UBAC2: variants seen among roughly 807,000 people sequenced by gnomAD.
UBAC2 encodes ubiquitin-associated domain-containing protein 2.
Under a neutral mutation model 44.0 loss-of-function variants are expected in UBAC2, and 26 were observed. The ratio of observed to expected loss-of-function variants is 0.59; its 90% CI spans 0.43 to 0.82. UBAC2 has a LOEUF of 0.82. Among genes scored for constraint, UBAC2 ranks in the 40% least tolerant of loss-of-function variants. The probability of loss-of-function intolerance (pLI) is 0.00; values close to 1 mark genes in which losing one functional copy is unlikely to be tolerated. For synonymous variants in UBAC2, 155 were observed against 154.3 expected (o/e 1.00, Z -0.04); for missense variants, 329 against 419.4 (o/e 0.78, Z 1.88).
chr13:99,346,645 A>T (rs984622668), intron 7 of UBAC2, among the ~76,000 whole-genome samples: 1 of 149,182 alleles, frequency 6.7e-6, no homozygotes. Flanking sequence ...CATCATTTTC[A>T]CTTGTCTAGC....
At chr13:99,271,103 C>T (rs1412518775) in intron 4 of UBAC2, among the ~76,000 whole-genome samples, 1 of 152,170 alleles carries the variant, frequency 6.6e-6, no homozygotes, top group African/African-American at 2.4e-5. Flanking sequence ...TTGTCCTCAT[C>T]GACTGTACAT....
chr13:99,315,053 C>T (rs1191990228), intron 5 of UBAC2, among the ~76,000 whole-genome samples: 2 of 152,204 alleles, frequency 1.3e-5, no homozygotes, highest in African/African-American at 4.8e-5. Flanking sequence ...TCCTCCCTCC[C>T]CTTTTAACCT....
intron 7 of UBAC2, among the ~76,000 whole-genome samples, chr13:99,355,639 C>T (rs1566519148): frequency 6.6e-6 from 1 of 152,242 alleles, no homozygotes; most frequent in Non-Finnish European, 1.5e-5. Context: ...AAGGTTGGGA[C>T]ACCTCTGGTC....
At chr13:99,275,922 A>G (rs1431361979) in intron 4 of UBAC2, among the ~76,000 whole-genome samples, 2 of 152,282 alleles carry the variant, frequency 1.3e-5, no homozygotes, top group East Asian at 1.9e-4. Context: ...CTCACCACCA[A>G]TGGGTTGGTC....
intron 7 of UBAC2, among the ~76,000 whole-genome samples, chr13:99,344,822 T>C (rs2044948529): frequency 6.6e-6 from 1 of 152,212 alleles, no homozygotes; most frequent in South Asian, 2.1e-4. Context: ...CTTGGGAAGC[T>C]CTCTGACCAA....
intron 6 of UBAC2, among the ~76,000 whole-genome samples, chr13:99,334,313 C>T (rs73568096): frequency 0.013 from 2,035 of 152,182 alleles, 46 homozygotes; most frequent in African/African-American, 0.047. Flanking sequence ...ACAGAAGTAA[C>T]GCAGTGGATG....
At chr13:99,272,970 G>A (rs2043835320) in intron 4 of UBAC2, among the ~76,000 whole-genome samples, 1 of 148,310 alleles carries the variant, frequency 6.7e-6, no homozygotes, top group Non-Finnish European at 1.5e-5. Flanking sequence ...TGTTTTTGTA[G>A]TATGTATTGA....
chr13:99,352,599 C>T (rs1039132530), intron 7 of UBAC2, among the ~76,000 whole-genome samples: 3 of 152,172 alleles, frequency 2.0e-5, no homozygotes, highest in African/African-American at 7.2e-5. Context: ...ACTGCCCCTT[C>T]ATCAGGCCAG....
chr13:99,248,977 C>T (rs752317974), intron 4 of UBAC2, among the ~76,000 whole-genome samples: 4 of 152,112 alleles, frequency 2.6e-5, no homozygotes, highest in African/African-American at 9.7e-5. Flanking sequence ...GGAAATCTTT[C>T]ATTTTGCTTG....
At chr13:99,234,391 TGTTGGCCAGG>T in intron 1 of UBAC2, 1 of 254,468 alleles carries the variant, frequency 3.9e-6, no homozygotes, top group Non-Finnish European at 8.5e-6. Flanking sequence ...GGTTTCGCCA[TGTTGGCCAGG>T]CTGGTCTCAA....
At chr13:99,258,239 G>A (rs975516160) in intron 4 of UBAC2, 44 of 152,330 alleles carry the variant, frequency 2.9e-4, no homozygotes, top group African/African-American at 1.1e-3. Flanking sequence ...AGTTGCTTCT[G>A]TTAAAATAGC....
In UBAC2 at chr13:99,338,047, C is replaced by CTTTTTTTTTTTTTTTTTTTTTTTTTTTTT. The variant is rs869112086; in HGVS notation, c.562-2245_562-2244insTTTTTTTTTTTTTTTTTTTTTTTTTTTTT. 3.3e-4 allele frequency among the ~76,000 whole-genome samples: 16 copies of CTTTTTTTTTTTTTTTTTTTTTTTTTTTTT among 48,866 alleles called. 2 individuals are homozygous for CTTTTTTTTTTTTTTTTTTTTTTTTTTTTT. The highest frequency in any genetic ancestry group is 7.1e-4 in the African/African-American group (10 of 14,114). 32.1% of individuals were successfully genotyped at this position (48,866 alleles called of 152,430 possible). On this transcript the variant is annotated intron_variant, in intron 6 of 8. Transcript: ENST00000403766. Reference sequence around the variant, plus strand: ...ATCTCCTAACTTTTTTTCTTTTTTTCTTTTTTTTTTTTTTTTTTTTTTTTT... The same window carrying CTTTTTTTTTTTTTTTTTTTTTTTTTTTTT: ...ATCTCCTAACTTTTTTTCTTTTTTTCTTTTTTTTTTTTTTTTTTTTTTTTTTTTTTTTTTTTTTTTTTTTTTTTTTTTTT...
chr13:99,289,995 T>C (rs2044068332), intron 4 of UBAC2, among the ~76,000 whole-genome samples: 1 of 152,214 alleles, frequency 6.6e-6, no homozygotes, highest in Non-Finnish European at 1.5e-5. Flanking sequence ...GTGTGTCTCT[T>C]TTAAGGCTTT....
chr13:99,325,638 G>A (rs1229763940), intron 6 of UBAC2, among the ~76,000 whole-genome samples: 4 of 152,126 alleles, frequency 2.6e-5, no homozygotes, highest in Non-Finnish European at 4.4e-5. Flanking sequence ...AATCTCTGGA[G>A]CTTATCGCTC....
intron 1 of UBAC2, among the ~76,000 whole-genome samples, chr13:99,213,184 A>G (rs550482350): frequency 4.6e-5 from 7 of 152,224 alleles, no homozygotes; most frequent in African/African-American, 1.7e-4. Flanking sequence ...TCAGATATTA[A>G]AAAACGTGAG....
intron 1 of UBAC2, among the ~76,000 whole-genome samples, chr13:99,213,093 T>TATATAC (rs762835836): frequency 1.3e-5 from 2 of 152,226 alleles, no homozygotes; most frequent in East Asian, 1.9e-4. Context: ...CTGACGCATG[T>TATATAC]ATATACATAT....
chr13:99,321,368 G>A (rs2044566215), intron 6 of UBAC2, among the ~76,000 whole-genome samples: 1 of 152,156 alleles, frequency 6.6e-6, no homozygotes, highest in Non-Finnish European at 1.5e-5. Flanking sequence ...GAGTGTAGTG[G>A]CATGATCTTG....
chr13:99,296,345 A>G (rs1347697426), intron 4 of UBAC2, among the ~76,000 whole-genome samples: 3 of 152,250 alleles, frequency 2.0e-5, no homozygotes, highest in Admixed American at 6.5e-5. Context: ...ATGGTTACAT[A>G]TATGATAACA....
chr13:99,215,522 T>A, intron 1 of UBAC2: 1 of 1,469,720 alleles, frequency 6.8e-7, no homozygotes, highest in Non-Finnish European at 9.5e-7. Context: ...ATATACACTT[T>A]ACCTTTAAGT....
Sources: allele counts gnomAD v4.1 joint callset (sites outside exome capture counted in the v4.1 genomes callset), GRCh38; gene constraint gnomAD v4.1.1; transcripts MANE v1.5; gene names NCBI Gene and HGNC (gene_info 2026-07-23, HGNC 2026-07-21).